GAPVD1: variants seen among roughly 807,000 people sequenced by gnomAD.
The protein encoded by GAPVD1 is GTPase-activating protein and VPS9 domain-containing protein 1.
GAPVD1 carries 35 observed loss-of-function variants against 155.5 expected under a neutral mutation model. The observed-to-expected ratio is 0.23, with a 90% CI of 0.17 to 0.30. The LOEUF is 0.30. Ranked by LOEUF, GAPVD1 falls within the 10% of genes least tolerant of loss-of-function variation. The pLI, the probability that GAPVD1 is intolerant of heterozygous loss-of-function variation, is 1.00. For synonymous variants in GAPVD1, 636 were observed against 619.7 expected (o/e 1.03, Z -0.39); for missense variants, 1,429 against 1,775.7 (o/e 0.80, Z 3.51).
intron 2 of GAPVD1, among the ~76,000 whole-genome samples, chr9:125,277,726 T>C (rs1836021595): frequency 6.6e-6 from 1 of 150,766 alleles, no homozygotes; most frequent in Admixed American, 6.7e-5. Flanking sequence ...CTTTGTCTCC[T>C]AGGCTGGAGT....
At chr9:125,271,619 T>C (rs1268409801) in intron 2 of GAPVD1, among the ~76,000 whole-genome samples, 1 of 152,128 alleles carries the variant, frequency 6.6e-6, no homozygotes, top group Non-Finnish European at 1.5e-5. Flanking sequence ...GACCTGATCT[T>C]GGCTCACTGC....
intron 18 of GAPVD1, 148 bp downstream of exon 18, chr9:125,341,412 T>C: frequency 1.7e-6 from 1 of 576,310 alleles, no homozygotes; most frequent in Non-Finnish European, 3.1e-6. Context: ...GTGGTTCCAC[T>C]CAGATGAATG....
intron 7 of GAPVD1, 29 bp from the exon 8 acceptor site, chr9:125,307,657 GATTTC>G (rs1564354630): frequency 6.3e-7 from 1 of 1,590,328 alleles, no homozygotes; most frequent in Non-Finnish European, 8.6e-7. Context: ...TTGAAAAAGT[GATTTC>G]ATTAGCTAAT....
chr9:125,333,639 C>T (rs1030813832), intron 15 of GAPVD1, among the ~76,000 whole-genome samples: 4 of 151,948 alleles, frequency 2.6e-5, no homozygotes, highest in African/African-American at 4.8e-5. Context: ...CAGGCATGTG[C>T]CACCACGCCC....
intron 2 of GAPVD1, among the ~76,000 whole-genome samples, chr9:125,275,011 TGATGTCTGATG>T (rs1449042625): frequency 6.6e-6 from 1 of 152,228 alleles, no homozygotes; most frequent in Non-Finnish European, 1.5e-5. Flanking sequence ...TTTCGCTTAA[TGATGTCTGATG>T]GACATCTTTC....
rs1159740931 is a variant in GAPVD1 at position 125,293,881 on chromosome 9, T to TATATA, written c.-149-1576_-149-1572dup. 4.9e-4 allele frequency among the ~76,000 whole-genome samples: 10 copies of TATATA among 20,410 alleles called. 1 individual carries two copies. The highest frequency in any genetic ancestry group is 2.2e-3 in the African/African-American group (10 of 4,638). The allele number at this position is 20,410 out of a possible 152,430, so 13.4% of individuals were successfully genotyped here. ...ATATATATATATATATATATATATA[T>TATATA]ATATATATATATATATATATATAAG... On this transcript the variant is annotated intron_variant, in intron 2 of 27. Transcript: ENST00000297933.
rs1251295535 is a variant in GAPVD1 at position 125,337,330 on chromosome 9, A to C, written c.2616A>C (p.Pro872=). The C allele has an allele frequency of 6.2e-7, 1 of 1,614,082 alleles. No individual in the cohort carries two copies. Among genetic ancestry groups the C allele is most frequent in the Non-Finnish European group, 8.5e-7 (1 of 1,180,052 alleles). The change falls in exon 17 of 28, where the codon CCA becomes CCC. Residue 872 remains proline (P), a synonymous_variant. Coordinates refer to ENST00000297933, the MANE Select transcript of GAPVD1 (RefSeq NM_001282680.3). The part of the protein sequence containing the change: ...GAVGGNEARL[P]NFGSHVLTPA... ...TGGGAGGAAATGAGGCCAGGTTGCCAAACTTTGGTTCCCATGTTTTAACTC... is the reference window on the plus strand; with the variant it reads ...TGGGAGGAAATGAGGCCAGGTTGCCCAACTTTGGTTCCCATGTTTTAACTC...
chr9:125,329,159 G>T (rs1321508043), intron 12 of GAPVD1, among the ~76,000 whole-genome samples: 1 of 152,156 alleles, frequency 6.6e-6, no homozygotes, highest in Non-Finnish European at 1.5e-5. Flanking sequence ...TTTCTTAATT[G>T]GTTTTACATT....
Position 125,302,319 on chromosome 9 carries a change from A to G in GAPVD1, c.522A>G (p.Gly174=). The change falls in exon 5 of 28, where the codon GGA becomes GGG. Residue 174 remains glycine, a synonymous_variant. Transcript: ENST00000297933. ...SDNPRRLLRR[G]TCAFSILFKL... ...ACCCTAGGCGACTTTTGAGGAGAGG[A>G]ACTTGTGCCTTCAGCATCTTATTTA... 6.2e-7 allele frequency: 1 copy of G among 1,613,994 alleles called. No homozygotes were observed. The highest frequency in any genetic ancestry group is 8.5e-7 in the Non-Finnish European group (1 of 1,179,876).
Position 125,326,207 on chromosome 9 carries a change from A to G in GAPVD1, c.1859-209A>G, listed in dbSNP as rs548366573. On this transcript the variant is annotated intron_variant, in intron 11 of 27. Coordinates refer to ENST00000297933, the MANE Select transcript of GAPVD1 (RefSeq NM_001282680.3). ...TCTGAGATAGGTGGTTGGCATATGC[A>G]AAATGCTAGATTAAGAAGTGAATTG... 2.8e-4 allele frequency among the ~76,000 whole-genome samples: 43 copies of G among 152,332 alleles called. 1 individual carries two copies. The highest frequency in any genetic ancestry group is 1.0e-3 in the African/African-American group (43 of 41,584).
At chr9:125,328,439 A>G (rs1845539469) in intron 12 of GAPVD1, among the ~76,000 whole-genome samples, 1 of 136,796 alleles carries the variant, frequency 7.3e-6, no homozygotes, top group Admixed American at 7.3e-5. Context: ...CTGTTTAACA[A>G]AGCACATCTT....
intron 10 of GAPVD1, among the ~76,000 whole-genome samples, chr9:125,322,581 T>A (rs1212984225): frequency 6.6e-6 from 1 of 152,170 alleles, no homozygotes; most frequent in Non-Finnish European, 1.5e-5. Flanking sequence ...ATTAGGTTTA[T>A]CCTGTTTTGT....
intron 15 of GAPVD1, 103 bp downstream of exon 15, chr9:125,332,732 T>C: frequency 1.1e-6 from 1 of 912,682 alleles, no homozygotes; most frequent in Non-Finnish European, 1.7e-6. Context: ...TATAGCACTT[T>C]GGGACATACT....
At chr9:125,343,059 T>A (rs1359439951) in intron 19 of GAPVD1, among the ~76,000 whole-genome samples, 2 of 152,186 alleles carry the variant, frequency 1.3e-5, no homozygotes, top group East Asian at 3.9e-4. Context: ...CCAGTGGCTA[T>A]TATAGAGCAT....
At chr9:125,304,061 G>A (rs1445473696) in intron 5 of GAPVD1, 1 of 151,148 alleles carries the variant, frequency 6.6e-6, no homozygotes, top group Non-Finnish European at 1.5e-5. Context: ...GTTTTTTTTT[G>A]TTTGTCTGTT....
chr9:125,347,129 C>A, intron 20 of GAPVD1, 188 bp downstream of exon 20: 1 of 626,722 alleles, frequency 1.6e-6, no homozygotes, highest in Non-Finnish European at 2.8e-6. Flanking sequence ...GCCCTGGGTA[C>A]CCCTGAATGT....
chr9:125,337,551 C>T lies in GAPVD1; in HGVS notation c.2837C>T (p.Ser946Leu), dbSNP rs761133859. 6.2e-7 allele frequency: 1 copy of T among 1,614,006 alleles called. No homozygotes were observed. The change falls in exon 17 of 28, where the codon TCA becomes TTA. Residue 946 changes from serine (S) to leucine (L), a missense_variant. By Grantham distance (145) the Ser-to-Leu change is moderately radical (BLOSUM62 -2). This residue lies in a region of GAPVD1 where 699 missense variants were observed against 826.0 expected (regional missense o/e 0.85). Transcript: ENST00000297933. The part of the protein sequence containing the change: ...GATSLVAAPH[S>L]SSSSPSKDSS... Reference sequence around the variant, plus strand: ...ACTTCTTTGGTGGCTGCACCTCATTCATCATCTTCATCCCCGAGTAAGGAC... The same window carrying T: ...ACTTCTTTGGTGGCTGCACCTCATTTATCATCTTCATCCCCGAGTAAGGAC...
chr9:125,355,538 T>C (rs1257166891), intron 24 of GAPVD1, 106 bp from the exon 25 acceptor site: 3 of 688,846 alleles, frequency 4.4e-6, no homozygotes, highest in African/African-American at 1.8e-5. Flanking sequence ...TTTAAGATCA[T>C]GGTGTCTGCA....
intron 9 of GAPVD1, among the ~76,000 whole-genome samples, chr9:125,318,912 A>C (rs185580037): frequency 6.6e-6 from 1 of 152,232 alleles, no homozygotes; most frequent in Admixed American, 6.5e-5. Context: ...GCAGTGGCTC[A>C]CACCTGTAAT....
Sources: allele counts gnomAD v4.1 joint callset (sites outside exome capture counted in the v4.1 genomes callset), GRCh38; gene constraint gnomAD v4.1.1; regional missense constraint gnomAD v4.1.1; transcripts MANE v1.5; gene names NCBI Gene and HGNC (gene_info 2026-07-23, HGNC 2026-07-21).